The following TDRD5 variants were observed in gnomAD, a reference collection of about 807,000 sequenced individuals.
The protein encoded by TDRD5 is tudor domain-containing protein 5.
Under a neutral mutation model 120.6 loss-of-function variants are expected in TDRD5, and 41 were observed. The ratio of observed to expected loss-of-function variants is 0.34; its 90% CI spans 0.26 to 0.44. TDRD5 has a LOEUF of 0.44. Ranked by LOEUF, TDRD5 falls within the 20% of genes least tolerant of loss-of-function variation. The pLI is 1.00. For synonymous variants in TDRD5, 430 were observed against 433.7 expected, an observed-to-expected ratio of 0.99 and a Z score of 0.11; for missense variants, 1,006 against 1,221.2, an observed-to-expected ratio of 0.82 and a Z score of 2.63.
At chr1:179,612,910 TGG>T (rs920484700) in intron 4 of TDRD5, among the ~76,000 whole-genome samples, 26 of 132,642 alleles carry the variant, frequency 2.0e-4, no homozygotes, top group African/African-American at 6.6e-4. Flanking sequence ...CACTGCAGCC[TGG>T]GTGACAGAGT....
chr1:179,655,750 G>A (rs80296820), intron 14 of TDRD5, among the ~76,000 whole-genome samples: 2,615 of 152,208 alleles, frequency 0.017, 54 homozygotes, highest in African/African-American at 0.059. Flanking sequence ...GTATATTTCT[G>A]TACCTTTGAG....
chr1:179,666,954 T>C (rs1679587454), intron 16 of TDRD5, among the ~76,000 whole-genome samples: 1 of 152,220 alleles, frequency 6.6e-6, no homozygotes, highest in South Asian at 2.1e-4. Context: ...TCCAAACAAC[T>C]GTGAGGGAGT....
intron 16 of TDRD5, among the ~76,000 whole-genome samples, chr1:179,664,150 C>T (rs975002626): frequency 6.6e-6 from 1 of 152,128 alleles, no homozygotes; most frequent in Non-Finnish European, 1.5e-5. Context: ...ACATTTCCTT[C>T]AGACTGTGGT....
chr1:179,682,256 A>G (rs182922295), intron 17 of TDRD5, among the ~76,000 whole-genome samples: 1 of 151,368 alleles, frequency 6.6e-6, no homozygotes, highest in East Asian at 2.0e-4. Context: ...TTTTTTTATT[A>G]TTACTATACT....
In TDRD5 at chr1:179,593,514, G is replaced by A. The variant is rs752231404; in HGVS notation, c.287G>A (p.Ser96Asn). 1.2e-6 allele frequency: 2 copies of A among 1,613,946 alleles called. No homozygotes were observed. The highest frequency in any genetic ancestry group is 1.7e-6 in the Non-Finnish European group (2 of 1,180,014). Residue 96 changes from serine (S) to asparagine (N), a missense_variant, in exon 3 of 18, where the codon AGC becomes AAC. Transcript: ENST00000444136. ...GCAAGCTTAGTTGCAAAACAGAGGA[G>A]CAGCCATAAGCTTCGAAACTCAATG... ...GIASLVAKQR[S>N]SHKLRNSMHK...
intron 4 of TDRD5, among the ~76,000 whole-genome samples, chr1:179,601,405 A>G (rs1675705166): frequency 6.6e-6 from 1 of 152,056 alleles, no homozygotes; most frequent in African/African-American, 2.4e-5. Flanking sequence ...GTAGTCTTTT[A>G]TCCCTCACCC....
At chr1:179,675,207 CTGTATTCCAGA>C (rs1384058474) in intron 17 of TDRD5, among the ~76,000 whole-genome samples, 1 of 149,878 alleles carries the variant, frequency 6.7e-6, no homozygotes, top group Non-Finnish European at 1.5e-5. Flanking sequence ...ACCACTTCTG[CTGTATTCCAGA>C]GGTTTTGATA....
At chr1:179,685,419 C>G (rs1680649017) in intron 17 of TDRD5, among the ~76,000 whole-genome samples, 2 of 152,114 alleles carry the variant, frequency 1.3e-5, no homozygotes, top group South Asian at 4.2e-4. Context: ...GTTTTGGTAC[C>G]AGTACCACGC....
At position 179,669,273 on chromosome 1, in the gene TDRD5, A is replaced by T. The variant is rs780533124; in HGVS notation, c.2729A>T (p.Glu910Val). The T allele has an allele frequency of 5.6e-6, 9 of 1,614,032 alleles. No individual in the cohort carries two copies. The highest frequency in any genetic ancestry group is 7.6e-6 in the Non-Finnish European group (9 of 1,180,038). The stretch of plus-strand genomic sequence containing the variant: ...TTCTGTACCTCTCTTACCCAGTCAG[A>T]GCAGTCAGCAGACGGGAGCCAGTCT... ...EEFCTSLTQS[E>V]QSADGSQSEP... The change falls in exon 17 of 18, where the codon GAG (glutamate) becomes GTG (valine). Residue 910 changes from glutamate (E) to valine (V), a missense_variant. Glu to Val is a moderately radical substitution (Grantham distance 121, BLOSUM62 -2). This residue lies in a region of TDRD5 where 403 missense variants were observed against 448.1 expected (regional missense o/e 0.90). Coordinates refer to ENST00000444136, the MANE Select transcript of TDRD5 (RefSeq NM_001199085.3).
intron 17 of TDRD5, among the ~76,000 whole-genome samples, chr1:179,671,412 G>A (rs114542634): frequency 0.02 from 2,976 of 152,180 alleles, 75 homozygotes; most frequent in African/African-American, 0.067. Context: ...TAAGTTTGTA[G>A]ATCAATTTGA....
intron 17 of TDRD5, among the ~76,000 whole-genome samples, chr1:179,689,371 A>G (rs151017371): frequency 0.017 from 2,654 of 152,278 alleles, 56 homozygotes; most frequent in African/African-American, 0.059. Flanking sequence ...AACAGCAAAT[A>G]TTGCAGAACG....
Position 179,669,396 on chromosome 1 carries a change from C to T in TDRD5, c.2852C>T (p.Ser951Phe), listed in dbSNP as rs779603364. The T allele has an allele frequency of 2.5e-6, 4 of 1,614,008 alleles. No individual in the cohort carries two copies. Among genetic ancestry groups the T allele is most frequent in the Non-Finnish European group, 3.4e-6 (4 of 1,179,926 alleles). ...GTGGATGATTCCGCAGAAAAGCCCT[C>T]TGGTTCTGGTATGTTTGTGTGTACT... ...TAVDDSAEKP[S>F]GSVESSPEIL... is the part of the protein sequence containing the mutation. Residue 951 changes from serine to phenylalanine, a missense_variant, in exon 17 of 18, where the codon TCT (serine) becomes TTT (phenylalanine). Physicochemically the swap from Ser to Phe is radical, Grantham distance 155. This residue lies in a region of TDRD5 where 403 missense variants were observed against 448.1 expected (regional missense o/e 0.90). Coordinates refer to ENST00000444136, the MANE Select transcript of TDRD5 (RefSeq NM_001199085.3).
rs113681752 is a variant in TDRD5, at chr1:179,593,874, A to T, written c.640+7A>T. The T allele has an allele frequency of 1.7e-5, 28 of 1,608,096 alleles. No individual in the cohort carries two copies. Among genetic ancestry groups the T allele is most frequent in the Non-Finnish European group, 2.4e-5 (28 of 1,176,158 alleles). On this transcript the variant is annotated splice_region_variant and intron_variant, in intron 3 of 17. Transcript: ENST00000444136. ...CCGAGAGGATGTCCAGCAGGTACGC[A>T]TGTGAGCAAATGTTGGAGCAGTCAT...
chr1:179,630,286 C>T (rs1028564674), intron 6 of TDRD5, among the ~76,000 whole-genome samples: 5 of 152,090 alleles, frequency 3.3e-5, no homozygotes, highest in Admixed American at 1.3e-4. Context: ...CGTGAGCCAC[C>T]GTGCCTGGCC....
At chr1:179,643,285 T>A (rs1240021408) in intron 11 of TDRD5, among the ~76,000 whole-genome samples, 1 of 152,062 alleles carries the variant, frequency 6.6e-6, no homozygotes, top group Non-Finnish European at 1.5e-5. Flanking sequence ...TCTAAAACAT[T>A]GATAATGTTT....
Position 179,663,286 on chromosome 1 carries a change from A to G in TDRD5, c.2506-62A>G. The G allele has an allele frequency of 5.9e-6, 9 of 1,524,570 alleles. No homozygotes were observed. The South Asian group carries it at 1.0e-4, about 17-fold the overall frequency. The allele number at this position is 1,524,570 out of a possible 1,614,324, so 94.4% of individuals were successfully genotyped here. A position where few individuals can be genotyped will look rare whatever the true frequency, so the allele number is the denominator to read the frequency against. On this transcript the variant is annotated intron_variant, in intron 15 of 17. Coordinates refer to ENST00000444136, the MANE Select transcript of TDRD5 (RefSeq NM_001199085.3). ...TTCTTGCATTTATCTTGCCCAAGTT[A>G]TCCTCTTTTTGGGTCATGTTGCACT... is the stretch of plus-strand genomic sequence containing the variant.
chr1:179,610,175 G>T (rs964074223), intron 4 of TDRD5, among the ~76,000 whole-genome samples: 5 of 152,082 alleles, frequency 3.3e-5, no homozygotes, highest in African/African-American at 1.2e-4. Context: ...TATTTTAAAT[G>T]GTGAAAGTAA....
At chr1:179,603,586 G>A (rs1271067894) in intron 4 of TDRD5, among the ~76,000 whole-genome samples, 2 of 152,166 alleles carry the variant, frequency 1.3e-5, no homozygotes, top group African/African-American at 4.8e-5. Flanking sequence ...TAATCATAAA[G>A]CAATGCTGGA....
rs551214262 is a variant in TDRD5 at position 179,687,009 on chromosome 1, A to AT, written c.2861-3681dup. 2.7e-3 allele frequency among the ~76,000 whole-genome samples: 415 copies of AT among 152,110 alleles called. 3 individuals are homozygous for AT. Among genetic ancestry groups the AT allele is most frequent in the African/African-American group, 9.4e-3 (392 of 41,488 alleles). ...AAAAAACCAGCTCCTGGATTCATTG[A>AT]TTTTTTGAAGGGTTTTTTGTGTCTC... On this transcript the variant is annotated intron_variant, in intron 17 of 17. Coordinates refer to ENST00000444136, the MANE Select transcript of TDRD5 (RefSeq NM_001199085.3).
Sources: gnomAD v4.1 joint callset for allele counts (sites outside exome capture counted in the v4.1 genomes callset) on GRCh38, gnomAD v4.1.1 for gene constraint, gnomAD v4.1.1 regional missense constraint, MANE v1.5 for transcripts, NCBI Gene and HGNC (gene_info 2026-07-23, HGNC 2026-07-21) for gene names.